Variants in MTUS2 observed in about 807,000 individuals in gnomAD.
The protein encoded by MTUS2 is microtubule-associated tumor suppressor candidate 2.
MTUS2 carries 40 observed loss-of-function variants against 114.1 expected under a neutral mutation model. That is an observed-to-expected ratio of 0.35 (90% CI 0.27 to 0.46). The LOEUF (loss-of-function observed/expected upper bound fraction) is 0.46, where lower values mean the gene tolerates loss of function less well. MTUS2 is among the 20% of genes least tolerant of loss of function. The pLI is 1.00. For missense variants in MTUS2, 1,679 were observed against 1,705.4 expected, an observed-to-expected ratio of 0.98 and a Z score of 0.27; for synonymous variants, 688 against 672.0, an observed-to-expected ratio of 1.02 and a Z score of -0.37.
At chr13:29,243,523 G>A (rs1375767048) in intron 5 of MTUS2, among the ~76,000 whole-genome samples, 2 of 152,166 alleles carry the variant, frequency 1.3e-5, no homozygotes, top group Admixed American at 6.5e-5. Context: ...GAAATTAATG[G>A]GCCATAATTG....
At chr13:28,849,652 G>T (rs924268041) in intron 2 of MTUS2, among the ~76,000 whole-genome samples, 11 of 152,054 alleles carry the variant, frequency 7.2e-5, no homozygotes, top group African/African-American at 2.7e-4. Context: ...TGCTGGCTTT[G>T]CTGGGAAAGC....
chr13:29,058,046 A>T (rs1363303296), intron 4 of MTUS2, among the ~76,000 whole-genome samples: 2 of 151,894 alleles, frequency 1.3e-5, no homozygotes, highest in African/African-American at 2.4e-5. Flanking sequence ...TTCTTATGAA[A>T]CTTAGTTTGA....
At chr13:29,483,978 T>A (rs1355406679) in intron 10 of MTUS2, 1 of 152,176 alleles carries the variant, frequency 6.6e-6, no homozygotes, top group African/African-American at 2.4e-5. Context: ...CATGCAAAGA[T>A]CAGGCTTGTG....
chr13:29,480,500 T>C lies in MTUS2; in HGVS notation c.3399+136T>C. ...ACAGTTCACTTTCTGAGTTGCTTTC[T>C]CCTTTCTCCCCGCTCCTCTCTTCTC... On this transcript the variant is annotated intron_variant, in intron 10 of 15. Transcript: ENST00000612955. This position sits in a 1 kb window ranked among gnomAD's most constrained non-coding sequence, Gnocchi z 4.4. 1.0e-6 allele frequency: 1 copy of C among 964,186 alleles called. No homozygotes were observed. The highest frequency in any genetic ancestry group is 1.5e-6 in the Non-Finnish European group (1 of 673,460). The allele number at this position is 964,186 out of a possible 1,614,324, so 59.7% of individuals were successfully genotyped here.
chr13:29,305,145 A>C (rs759155153), intron 6 of MTUS2, among the ~76,000 whole-genome samples: 1 of 152,218 alleles, frequency 6.6e-6, no homozygotes, highest in Non-Finnish European at 1.5e-5. Context: ...CAGTATTAAG[A>C]GGGAAATTTA....
chr13:29,359,110 A>G, intron 7 of MTUS2, among the ~76,000 whole-genome samples, 152 bp from the exon 8 acceptor site: 1 of 152,274 alleles, frequency 6.6e-6, no homozygotes, highest in Admixed American at 6.5e-5. Flanking sequence ...TTAGTCCCTG[A>G]CTGTTTTTTC....
chr13:29,274,075 G>C (rs1027203773), intron 5 of MTUS2, among the ~76,000 whole-genome samples: 2 of 152,004 alleles, frequency 1.3e-5, no homozygotes, highest in African/African-American at 4.8e-5. Flanking sequence ...GTAACTCTAT[G>C]GGGTTTTTTG....
At chr13:29,425,654 A>C (rs1390045320) in intron 8 of MTUS2, among the ~76,000 whole-genome samples, 4 of 152,230 alleles carry the variant, frequency 2.6e-5, no homozygotes, top group Non-Finnish European at 5.9e-5. Context: ...TCTATTTTTC[A>C]GTATGTTTGA....
intron 5 of MTUS2, among the ~76,000 whole-genome samples, chr13:29,102,318 T>C (rs990641154): frequency 6.6e-5 from 10 of 152,192 alleles, no homozygotes; most frequent in East Asian, 3.8e-4. Context: ...GAAAAACTTA[T>C]CATATGATAT....
intron 8 of MTUS2, among the ~76,000 whole-genome samples, chr13:29,433,962 T>C (rs573199735): frequency 6.6e-6 from 1 of 152,312 alleles, no homozygotes; most frequent in African/African-American, 2.4e-5. Context: ...TAATTTCCTG[T>C]TGTGGTTCGA....
At chr13:29,103,047 A>G (rs1287169376) in intron 5 of MTUS2, among the ~76,000 whole-genome samples, 1 of 152,172 alleles carries the variant, frequency 6.6e-6, no homozygotes, top group East Asian at 1.9e-4. Context: ...GTGGTATCAG[A>G]ATCGGTCCTT....
intron 2 of MTUS2, among the ~76,000 whole-genome samples, chr13:28,986,382 C>CTAGGT (rs1426922181): frequency 1.3e-5 from 2 of 152,038 alleles, no homozygotes; most frequent in Admixed American, 1.3e-4. Context: ...GATGCATACA[C>CTAGGT]TAGGTGGGCA....
chr13:29,362,274 C>A (rs1593350395), intron 8 of MTUS2, among the ~76,000 whole-genome samples: 1 of 152,248 alleles, frequency 6.6e-6, no homozygotes, highest in South Asian at 2.1e-4. Context: ...CATGAGCCAC[C>A]ATGCCCAGCT....
chr13:29,315,350 G>A (rs1163635575), intron 6 of MTUS2, among the ~76,000 whole-genome samples: 1 of 152,204 alleles, frequency 6.6e-6, no homozygotes, highest in African/African-American at 2.4e-5. Flanking sequence ...AATGATCTAT[G>A]TGTGAGGTGA....
intron 6 of MTUS2, among the ~76,000 whole-genome samples, chr13:29,282,921 A>T (rs1189849981): frequency 1.3e-5 from 2 of 152,158 alleles, no homozygotes; most frequent in Non-Finnish European, 2.9e-5. Flanking sequence ...GCCATGATTT[A>T]TTCAATCATT....
chr13:29,324,927 G>A (rs1900418026), intron 7 of MTUS2, among the ~76,000 whole-genome samples: 1 of 152,228 alleles, frequency 6.6e-6, no homozygotes, highest in Non-Finnish European at 1.5e-5. Flanking sequence ...CTATGTTTCA[G>A]TGGGAGAATC....
intron 2 of MTUS2, among the ~76,000 whole-genome samples, chr13:28,995,694 CTCTG>C (rs1037893930): frequency 2.0e-5 from 3 of 151,604 alleles, no homozygotes; most frequent in Admixed American, 6.6e-5. Context: ...TGATTTGGTT[CTCTG>C]TCTGTTTTTG....
At chr13:29,200,288 G>A (rs6490367) in intron 5 of MTUS2, among the ~76,000 whole-genome samples, 1,638 of 151,980 alleles carry the variant, frequency 0.011, 26 homozygotes, top group African/African-American at 0.038. Context: ...ATGTTAGGGT[G>A]TCGATTTTAG....
At chr13:29,116,506 A>C (rs1458238611) in intron 5 of MTUS2, among the ~76,000 whole-genome samples, 1 of 152,206 alleles carries the variant, frequency 6.6e-6, no homozygotes, top group Non-Finnish European at 1.5e-5. Context: ...ATGGTACCAA[A>C]GGATACATAT....
Sources: gnomAD v4.1 joint callset for allele counts (sites outside exome capture counted in the v4.1 genomes callset) on GRCh38, gnomAD v4.1.1 for gene constraint, Gnocchi (gnomAD v3.1) non-coding constraint, MANE v1.5 for transcripts, NCBI Gene and HGNC (gene_info 2026-07-23, HGNC 2026-07-21) for gene names.